PPARGC1B: variants seen among roughly 807,000 people sequenced by gnomAD.
PPARGC1B encodes peroxisome proliferator-activated receptor gamma coactivator 1-beta.
PPARGC1B carries 34 observed loss-of-function variants against 101.6 expected under a neutral mutation model. The observed-to-expected ratio is 0.33, with a 90% CI of 0.25 to 0.45. The LOEUF (loss-of-function observed/expected upper bound fraction) is 0.45. Ranked by LOEUF, PPARGC1B falls within the 20% of genes least tolerant of loss-of-function variation. The pLI is 1.00. For missense variants in PPARGC1B, 1,234 were observed against 1,317.6 expected, an observed-to-expected ratio of 0.94 and a Z score of 0.98; for synonymous variants, 548 against 539.3, an observed-to-expected ratio of 1.02 and a Z score of -0.22.
chr5:149,845,629 C>T (rs1454752645), intron 10 of PPARGC1B, 131 bp from the exon 11 acceptor site: 3 of 912,482 alleles, frequency 3.3e-6, no homozygotes, highest in African/African-American at 3.3e-5. Flanking sequence ...TCATCATCAT[C>T]TCTATCTAGG....
intron 6 of PPARGC1B, 76 bp downstream of exon 6, chr5:149,834,786 G>A: frequency 7.4e-7 from 1 of 1,352,156 alleles, no homozygotes; most frequent in Non-Finnish European, 1.1e-6. Flanking sequence ...GTGGTGATGG[G>A]GGATTCATCA....
rs1758994395 is a variant in PPARGC1B at position 149,835,182 on chromosome 5, T to A, written c.1743-119T>A. 3.3e-6 allele frequency: 3 copies of A among 898,572 alleles called. No homozygotes were observed. In the East Asian group the frequency reaches 7.3e-5, roughly 22 times the overall value. 55.7% of individuals were successfully genotyped at this position (898,572 alleles called of 1,614,324 possible). A position where few individuals can be genotyped will look rare whatever the true frequency, so the allele number is the denominator to read the frequency against. Reference sequence around the variant, plus strand: ...GAGCGAATGCATCTCAGGCTCCATTTCCATGGGCAGTGGAACCAGGGCCTG... The same window carrying A: ...GAGCGAATGCATCTCAGGCTCCATTACCATGGGCAGTGGAACCAGGGCCTG... On this transcript the variant is annotated intron_variant, in intron 6 of 11. Coordinates refer to ENST00000309241, the MANE Select transcript of PPARGC1B (RefSeq NM_133263.4).
chr5:149,767,613 T>C (rs1755960226), intron 1 of PPARGC1B, among the ~76,000 whole-genome samples: 1 of 152,210 alleles, frequency 6.6e-6, no homozygotes, highest in Non-Finnish European at 1.5e-5. Flanking sequence ...TAAGAAAGCC[T>C]GTCTTAACAT....
intron 1 of PPARGC1B, among the ~76,000 whole-genome samples, chr5:149,753,504 C>G (rs1401784622): frequency 6.6e-6 from 1 of 151,998 alleles, no homozygotes; most frequent in African/African-American, 2.4e-5. Context: ...AGCCACTGTG[C>G]CTGGCCTATT....
At chr5:149,759,221 G>T (rs1755634718) in intron 1 of PPARGC1B, among the ~76,000 whole-genome samples, 1 of 152,162 alleles carries the variant, frequency 6.6e-6, no homozygotes, top group African/African-American at 2.4e-5. Flanking sequence ...CCTTAAATTG[G>T]TTCACCTCCT....
chr5:149,805,555 T>C (rs963762937), intron 1 of PPARGC1B, among the ~76,000 whole-genome samples: 1 of 152,176 alleles, frequency 6.6e-6, no homozygotes, highest in Non-Finnish European at 1.5e-5. Flanking sequence ...TTCACCTGCC[T>C]CTGCCTCCCG....
chr5:149,845,752 C>T lies in PPARGC1B; in HGVS notation c.2817-8C>T, dbSNP rs1759525521. ...CAATAACATACTCTCCTTGCTCCCT[C>T]CCCGCAGAGGCGAGAAGTACGGCTT... On this transcript the variant is annotated splice_polypyrimidine_tract_variant and splice_region_variant and intron_variant, in intron 10 of 11. Coordinates refer to ENST00000309241, the MANE Select transcript of PPARGC1B (RefSeq NM_133263.4). 1.9e-6 allele frequency: 3 copies of T among 1,601,158 alleles called. No individual in the cohort carries two copies. Among genetic ancestry groups the T allele is most frequent in the African/African-American group, 2.7e-5 (2 of 74,650 alleles).
At chr5:149,735,864 G>A (rs1241533556) in intron 1 of PPARGC1B, among the ~76,000 whole-genome samples, 2 of 152,206 alleles carry the variant, frequency 1.3e-5, no homozygotes, top group East Asian at 1.9e-4. Context: ...GGCGGCTCAC[G>A]CCTGTAATAC....
intron 1 of PPARGC1B, among the ~76,000 whole-genome samples, chr5:149,741,022 G>A (rs1355350660): frequency 6.6e-6 from 1 of 152,144 alleles, no homozygotes; most frequent in Non-Finnish European, 1.5e-5. Flanking sequence ...GGCAAGACAG[G>A]GCCCTCGGCT....
chr5:149,751,611 CAGG>C (rs1755308085), intron 1 of PPARGC1B, among the ~76,000 whole-genome samples: 1 of 151,718 alleles, frequency 6.6e-6, no homozygotes, highest in South Asian at 2.1e-4. Flanking sequence ...GAGGCTGAGG[CAGG>C]AGAATTGCCT....
intron 1 of PPARGC1B, among the ~76,000 whole-genome samples, chr5:149,793,193 G>A (rs1166550961): frequency 6.6e-6 from 1 of 152,086 alleles, no homozygotes; most frequent in Non-Finnish European, 1.5e-5. Context: ...AGCTGCTGTT[G>A]CTTGCTCCTT....
rs574015841 is a variant in PPARGC1B at position 149,730,904 on chromosome 5, G to A, written c.78+484G>A. On this transcript the variant is annotated intron_variant, in intron 1 of 11. Coordinates refer to ENST00000309241, the MANE Select transcript of PPARGC1B (RefSeq NM_133263.4). This position sits in a 1 kb window ranked among gnomAD's most constrained non-coding sequence, Gnocchi z 4.0. Reference sequence around the variant, plus strand: ...TGTAGTCCCCAGAGTGCTGTTGCTGGCCCCCCGCGGCTTTCTACCCGCGCC... The same window carrying A: ...TGTAGTCCCCAGAGTGCTGTTGCTGACCCCCCGCGGCTTTCTACCCGCGCC... Among the ~76,000 whole-genome samples the A allele has an allele frequency of 1.2e-3, 177 of 152,348 alleles. No homozygotes were observed. The highest frequency in any genetic ancestry group is 4.1e-3 in the African/African-American group (172 of 41,592).
intron 1 of PPARGC1B, among the ~76,000 whole-genome samples, chr5:149,733,754 C>T (rs548406678): frequency 2.8e-4 from 42 of 152,154 alleles, no homozygotes; most frequent in Non-Finnish European, 5.0e-4. Context: ...CCCCAAAGGC[C>T]ACACAGCAAG....
chr5:149,825,480 C>A (rs541641670), intron 2 of PPARGC1B, among the ~76,000 whole-genome samples: 1 of 152,244 alleles, frequency 6.6e-6, no homozygotes, highest in East Asian at 1.9e-4. Flanking sequence ...CCCTCCTTAA[C>A]GCTTTACCTG....
chr5:149,841,149 G>T (rs776127377), intron 9 of PPARGC1B, among the ~76,000 whole-genome samples: 2 of 152,178 alleles, frequency 1.3e-5, no homozygotes, highest in Non-Finnish European at 2.9e-5. Context: ...TTAGTAATGT[G>T]CAATTAGTAA....
Position 149,842,354 on chromosome 5 carries a change from C to T in PPARGC1B, c.2793C>T (p.Cys931=), listed in dbSNP as rs45572344. 31 of 1,613,910 alleles carry T rather than the reference C, an allele frequency of 1.9e-5. No individual in the cohort carries two copies. Among genetic ancestry groups the T allele is most frequent in the East Asian group, 6.7e-5 (3 of 44,878 alleles). The change falls in exon 10 of 12, where the codon TGC becomes TGT. Residue 931 remains cysteine (C), a synonymous_variant. Coordinates refer to ENST00000309241, the MANE Select transcript of PPARGC1B (RefSeq NM_133263.4). ...RFEVFGEIEE[C]EVLTRNRRGE... ...AAGTGTTTGGTGAGATTGAGGAGTG[C>T]GAGGTGCTGACAAGAAATAGGAGGT...
chr5:149,760,778 T>C (rs866671947), intron 1 of PPARGC1B, among the ~76,000 whole-genome samples: 2 of 152,200 alleles, frequency 1.3e-5, no homozygotes, highest in Non-Finnish European at 2.9e-5. Context: ...GAGTTATTTC[T>C]GGAATTTGCC....
intron 1 of PPARGC1B, among the ~76,000 whole-genome samples, chr5:149,815,333 G>A: frequency 6.6e-6 from 1 of 152,072 alleles, no homozygotes; most frequent in East Asian, 1.9e-4. Context: ...CTTATCAAAA[G>A]GGGCAATTGG....
chr5:149,838,670 G>A (rs942863757), intron 8 of PPARGC1B, among the ~76,000 whole-genome samples: 2 of 152,176 alleles, frequency 1.3e-5, no homozygotes, highest in African/African-American at 4.8e-5. Context: ...GGGAAGAGTC[G>A]AGAACTTCTC....
Sources: allele counts gnomAD v4.1 joint callset (sites outside exome capture counted in the v4.1 genomes callset), GRCh38; gene constraint gnomAD v4.1.1; non-coding constraint Gnocchi (gnomAD v3.1); transcripts MANE v1.5; gene names NCBI Gene and HGNC (gene_info 2026-07-23, HGNC 2026-07-21).